Variants in C8orf34 observed in about 807,000 individuals in gnomAD.
The protein encoded by C8orf34 is uncharacterized protein C8orf34.
Under a neutral mutation model 68.3 loss-of-function variants are expected in C8orf34, and 65 were observed. The ratio of observed to expected loss-of-function variants is 0.95; its 90% CI spans 0.78 to 1.17. The LOEUF is 1.17. Ranked by LOEUF, C8orf34 falls within the 50% of genes most tolerant of loss-of-function variation. The pLI, the probability that C8orf34 is intolerant of heterozygous loss-of-function variation, is 0.00. For missense variants in C8orf34, 664 were observed against 655.4 expected (o/e 1.01, Z -0.14); for synonymous variants, 244 against 241.2 (o/e 1.01, Z -0.11).
At chr8:68,626,681 T>C (rs908824262) in intron 7 of C8orf34, among the ~76,000 whole-genome samples, 6 of 152,290 alleles carry the variant, frequency 3.9e-5, no homozygotes, top group Non-Finnish European at 5.9e-5. Context: ...GTCAACACAT[T>C]AATAAAGTAC....
At chr8:68,469,612 C>T (rs1369268364) in intron 4 of C8orf34, among the ~76,000 whole-genome samples, 3 of 151,938 alleles carry the variant, frequency 2.0e-5, no homozygotes, top group Non-Finnish European at 4.4e-5. Context: ...AGTATTCCTA[C>T]ATTTTTTTGG....
chr8:68,422,422 C>T (rs1427583600), intron 1 of C8orf34, among the ~76,000 whole-genome samples: 1 of 152,190 alleles, frequency 6.6e-6, no homozygotes, highest in Non-Finnish European at 1.5e-5. Flanking sequence ...GTCATTAAAA[C>T]TTAAAGTTCC....
intron 7 of C8orf34, among the ~76,000 whole-genome samples, chr8:68,577,770 A>T (rs1235978765): frequency 6.6e-6 from 1 of 151,984 alleles, no homozygotes; most frequent in Non-Finnish European, 1.5e-5. Context: ...CTTGGATTGT[A>T]AAATAAACGT....
intron 7 of C8orf34, among the ~76,000 whole-genome samples, chr8:68,576,315 G>A (rs997802782): frequency 4.7e-5 from 7 of 148,470 alleles, no homozygotes; most frequent in African/African-American, 1.8e-4. Context: ...CAAATACTCT[G>A]TGGTAAGGAA....
At chr8:68,734,072 C>T (rs1006566373) in intron 10 of C8orf34, among the ~76,000 whole-genome samples, 41 of 151,846 alleles carry the variant, frequency 2.7e-4, no homozygotes, top group Admixed American at 8.5e-4. Flanking sequence ...AGAATACAAG[C>T]ATATTTTAAA....
intron 8 of C8orf34, among the ~76,000 whole-genome samples, chr8:68,685,026 T>C (rs1820472225): frequency 6.6e-6 from 1 of 152,118 alleles, no homozygotes; most frequent in Non-Finnish European, 1.5e-5. Flanking sequence ...TAGGTAATAT[T>C]AGTAAATCTC....
intron 1 of C8orf34, among the ~76,000 whole-genome samples, chr8:68,376,309 G>A (rs1045906604): frequency 3.3e-4 from 50 of 152,160 alleles, no homozygotes; most frequent in African/African-American, 1.2e-3. Context: ...AACCCACATA[G>A]GCTAGGAAAG....
intron 1 of C8orf34, among the ~76,000 whole-genome samples, chr8:68,374,280 T>A (rs1807696215): frequency 6.6e-6 from 1 of 152,158 alleles, no homozygotes; most frequent in South Asian, 2.1e-4. Flanking sequence ...TATTAAAATA[T>A]GTTTGTATCC....
chr8:68,542,895 T>C (rs536372177), intron 7 of C8orf34, among the ~76,000 whole-genome samples: 1 of 152,254 alleles, frequency 6.6e-6, no homozygotes, highest in East Asian at 1.9e-4. Flanking sequence ...GAAAATGCCA[T>C]TTTGTTTAAA....
At chr8:68,622,556 C>A (rs114884045) in intron 7 of C8orf34, among the ~76,000 whole-genome samples, 1 of 152,214 alleles carries the variant, frequency 6.6e-6, no homozygotes, top group African/African-American at 2.4e-5. Flanking sequence ...TGGCAATGAG[C>A]TTGAGACTTT....
At chr8:68,447,245 A>G (rs1811163281) in intron 3 of C8orf34, 1 of 152,156 alleles carries the variant, frequency 6.6e-6, no homozygotes, top group Admixed American at 6.6e-5. Flanking sequence ...TACCATGAGG[A>G]CAGCACCAAG....
chr8:68,649,699 T>C (rs1044430883), intron 8 of C8orf34, among the ~76,000 whole-genome samples: 3 of 152,186 alleles, frequency 2.0e-5, no homozygotes, highest in South Asian at 2.1e-4. Flanking sequence ...TTGTGATTCA[T>C]AGGGGAGGGA....
chr8:68,440,251 C>G (rs1330549321), intron 2 of C8orf34, among the ~76,000 whole-genome samples: 1 of 152,200 alleles, frequency 6.6e-6, no homozygotes, highest in African/African-American at 2.4e-5. Context: ...TTGACATTTA[C>G]TTTCAAATCC....
At chr8:68,413,903 A>T (rs1586084791) in intron 1 of C8orf34, among the ~76,000 whole-genome samples, 1 of 152,172 alleles carries the variant, frequency 6.6e-6, no homozygotes, top group African/African-American at 2.4e-5. Flanking sequence ...TAAAGCAACA[A>T]TTGGACTCTA....
rs1450450526 is a variant in C8orf34 at position 68,603,546 on chromosome 8, T to C, written c.1106-36830T>C. Among the ~76,000 whole-genome samples the C allele has an allele frequency of 9.7e-3, 865 of 89,406 alleles. 19 individuals are homozygous for C. Among genetic ancestry groups the C allele is most frequent in the African/African-American group, 0.069 (825 of 11,920 alleles). 58.7% of individuals were successfully genotyped at this position (89,406 alleles called of 152,430 possible). A position where few individuals can be genotyped will look rare whatever the true frequency, so the allele number is the denominator to read the frequency against. The stretch of plus-strand genomic sequence containing the variant: ...ATATCTATCTATCTATCTATCTATC[T>C]ATCTATCTATCTATCTATCTATCTA... On this transcript the variant is annotated intron_variant, in intron 7 of 13. Transcript: ENST00000518698.
intron 6 of C8orf34, among the ~76,000 whole-genome samples, chr8:68,529,449 A>G (rs1445738910): frequency 6.6e-6 from 1 of 152,212 alleles, no homozygotes; most frequent in Non-Finnish European, 1.5e-5. Flanking sequence ...GAAATTCAAA[A>G]TGCTCTGACA....
At chr8:68,459,739 A>G (rs146582014) in intron 3 of C8orf34, among the ~76,000 whole-genome samples, 325 of 152,352 alleles carry the variant, frequency 2.1e-3, no homozygotes, top group African/African-American at 7.0e-3. Context: ...TCACAATAGA[A>G]AAGATGTGGA....
At chr8:68,705,480 T>A (rs1208534252) in intron 8 of C8orf34, among the ~76,000 whole-genome samples, 5 of 151,790 alleles carry the variant, frequency 3.3e-5, no homozygotes, top group African/African-American at 9.7e-5. Flanking sequence ...TAACGCAAGG[T>A]CAAATAAAGA....
chr8:68,746,272 A>C (rs956059904), intron 10 of C8orf34, among the ~76,000 whole-genome samples: 8 of 148,542 alleles, frequency 5.4e-5, no homozygotes, highest in Non-Finnish European at 8.9e-5. Flanking sequence ...AAATGCCCAC[A>C]AGAGAAAGCA....
Sources: allele counts gnomAD v4.1 joint callset (sites outside exome capture counted in the v4.1 genomes callset), GRCh38; gene constraint gnomAD v4.1.1; transcripts MANE v1.5; gene names NCBI Gene and HGNC (gene_info 2026-07-23, HGNC 2026-07-21).